PRKCE: variants seen among roughly 807,000 people sequenced by gnomAD.
PRKCE encodes the protein protein kinase C epsilon.
Under a neutral mutation model 85.4 loss-of-function variants are expected in PRKCE, and 16 were observed. The observed-to-expected ratio is 0.19, with a 90% CI of 0.13 to 0.28. PRKCE has a LOEUF of 0.28. PRKCE is among the 10% of genes least tolerant of loss of function. PRKCE has a pLI of 1.00. For synonymous variants in PRKCE, 388 were observed against 371.5 expected, an observed-to-expected ratio of 1.04 and a Z score of -0.51; for missense variants, 573 against 975.2, an observed-to-expected ratio of 0.59 and a Z score of 5.49.
At chr2:46,067,673 G>A (rs1398502171) in intron 10 of PRKCE, among the ~76,000 whole-genome samples, 1 of 152,182 alleles carries the variant, frequency 6.6e-6, no homozygotes, top group Non-Finnish European at 1.5e-5. Context: ...TGCTCACAAT[G>A]TATCTGCTGA....
chr2:45,846,377 T>C (rs1336632101), intron 2 of PRKCE, among the ~76,000 whole-genome samples: 1 of 152,202 alleles, frequency 6.6e-6, no homozygotes. Context: ...TGATAGGTTC[T>C]TCTTCCCATG....
In PRKCE at chr2:46,151,249, C is replaced by A. The variant is rs1312453163; in HGVS notation, c.1920+20C>A. ...AAAGCTGTGAGTCACTGCCCCTCAC[C>A]CATGGCTGTGCTCTCCTGGGCTCCT... On this transcript the variant is annotated intron_variant, in intron 13 of 14. Coordinates refer to ENST00000306156, the MANE Select transcript of PRKCE (RefSeq NM_005400.3). 5 of 1,573,222 alleles carry A rather than the reference C, an allele frequency of 3.2e-6. No individual in the cohort carries two copies. Among genetic ancestry groups the A allele is most frequent in the African/African-American group, 1.4e-5 (1 of 73,430 alleles).
At chr2:45,720,713 C>T (rs1215549124) in intron 1 of PRKCE, among the ~76,000 whole-genome samples, 1 of 152,176 alleles carries the variant, frequency 6.6e-6, no homozygotes, top group Non-Finnish European at 1.5e-5. Flanking sequence ...AAGGTCATTT[C>T]TGCCTGTCAT....
chr2:45,716,559 A>G lies in PRKCE; in HGVS notation c.348+64111A>G, dbSNP rs1245997884. ...AGAAAGAAAAAGAAAGAAAGGAAGAAAAAGAAAGAAAGGAAGAAAGGAAGA... is the reference window on the plus strand; with the variant it reads ...AGAAAGAAAAAGAAAGAAAGGAAGAGAAAGAAAGAAAGGAAGAAAGGAAGA... On this transcript the variant is annotated intron_variant, in intron 1 of 14. Transcript: ENST00000306156. 3.3e-5 allele frequency among the ~76,000 whole-genome samples: 5 copies of G among 150,122 alleles called. No homozygotes were observed. In the East Asian group the frequency reaches 5.8e-4, roughly 18 times the overall value.
At chr2:46,168,371 A>T (rs1276348988) in intron 14 of PRKCE, among the ~76,000 whole-genome samples, 1 of 152,204 alleles carries the variant, frequency 6.6e-6, no homozygotes, top group Non-Finnish European at 1.5e-5. Context: ...ATCAAACCAG[A>T]GGACAGCAGG....
chr2:45,789,042 G>C (rs1271281972), intron 1 of PRKCE, among the ~76,000 whole-genome samples: 2 of 152,094 alleles, frequency 1.3e-5, no homozygotes, highest in Non-Finnish European at 2.9e-5. Context: ...AAGCAAGGTG[G>C]AGAACCACCC....
At chr2:45,972,352 A>T (rs1322136087) in intron 2 of PRKCE, among the ~76,000 whole-genome samples, 1 of 152,166 alleles carries the variant, frequency 6.6e-6, no homozygotes, top group Non-Finnish European at 1.5e-5. Flanking sequence ...TTTCTTATGT[A>T]TTTTGGATAT....
At chr2:46,002,071 AC>A (rs1040690086) in intron 7 of PRKCE, among the ~76,000 whole-genome samples, 4 of 152,202 alleles carry the variant, frequency 2.6e-5, no homozygotes, top group Admixed American at 2.6e-4. Context: ...TTCTTTGGAG[AC>A]CAAAACTGTC....
chr2:46,086,750 C>A (rs1222368605), intron 11 of PRKCE, among the ~76,000 whole-genome samples: 1 of 152,130 alleles, frequency 6.6e-6, no homozygotes, highest in Non-Finnish European at 1.5e-5. Flanking sequence ...AGTCTCTTGC[C>A]ACTTCCTGAG....
intron 6 of PRKCE, among the ~76,000 whole-genome samples, chr2:45,989,769 C>T (rs116094397): frequency 0.03 from 4,504 of 152,098 alleles, 89 homozygotes; most frequent in Middle Eastern, 0.055. Flanking sequence ...GGTCCCTTGT[C>T]GTAACTTCAA....
chr2:45,722,045 C>CTAT (rs1680671362), intron 1 of PRKCE, among the ~76,000 whole-genome samples: 1 of 151,558 alleles, frequency 6.6e-6, no homozygotes, highest in Admixed American at 6.6e-5. Context: ...TGGGGTACAC[C>CTAT]TATCCATATT....
intron 10 of PRKCE, among the ~76,000 whole-genome samples, chr2:46,082,036 G>C (rs1669128809): frequency 6.6e-6 from 1 of 152,210 alleles, no homozygotes; most frequent in Non-Finnish European, 1.5e-5. Flanking sequence ...CGAGGTTGCA[G>C]TGAGCCAAGA....
At chr2:45,971,740 C>A (rs1304140146) in intron 2 of PRKCE, among the ~76,000 whole-genome samples, 1 of 152,190 alleles carries the variant, frequency 6.6e-6, no homozygotes, top group African/African-American at 2.4e-5. Flanking sequence ...GTAATTCCAC[C>A]AGTGTCAACG....
intron 2 of PRKCE, among the ~76,000 whole-genome samples, chr2:45,903,881 G>GTTTTTTTTTTTTTTTTTTTTTTTTTTTTT (rs34124689): frequency 8.5e-6 from 1 of 117,140 alleles, no homozygotes; most frequent in African/African-American, 3.7e-5. Flanking sequence ...TAGCCTGGCA[G>GTTTTTTTTTTTTTTTTTTTTTTTTTTTTT]TTTTTTTTTG....
intron 2 of PRKCE, among the ~76,000 whole-genome samples, chr2:45,849,405 C>T (rs1368104536): frequency 6.6e-6 from 1 of 152,102 alleles, no homozygotes; most frequent in Non-Finnish European, 1.5e-5. Context: ...CATAGCAATC[C>T]TTCTGCCATC....
intron 1 of PRKCE, chr2:45,700,491 A>G (rs1170328681): frequency 6.6e-6 from 1 of 152,088 alleles, no homozygotes; most frequent in Non-Finnish European, 1.5e-5. Flanking sequence ...AAGGAACAGT[A>G]GAAGCAGCCC....
intron 10 of PRKCE, among the ~76,000 whole-genome samples, chr2:46,064,324 C>T (rs1056606521): frequency 1.3e-4 from 20 of 151,386 alleles, no homozygotes; most frequent in African/African-American, 4.6e-4. Context: ...TTGTTAACTG[C>T]CCTTAAAAAT....
chr2:45,969,722 A>T (rs1381063454), intron 2 of PRKCE, among the ~76,000 whole-genome samples: 1 of 152,200 alleles, frequency 6.6e-6, no homozygotes, highest in Non-Finnish European at 1.5e-5. Flanking sequence ...AAAGTCACTA[A>T]AGAGCATTAG....
chr2:46,060,366 G>A (rs770401774), intron 10 of PRKCE, among the ~76,000 whole-genome samples: 9 of 152,144 alleles, frequency 5.9e-5, no homozygotes, highest in African/African-American at 7.2e-5. Context: ...CTGCACAAGA[G>A]AGAAGACCCT....
Sources: allele counts gnomAD v4.1 joint callset (sites outside exome capture counted in the v4.1 genomes callset), GRCh38; gene constraint gnomAD v4.1.1; transcripts MANE v1.5; gene names NCBI Gene and HGNC (gene_info 2026-07-23, HGNC 2026-07-21).